ZFYVE28: variants seen among roughly 807,000 people sequenced by gnomAD.
ZFYVE28 encodes zinc finger FYVE-type containing 28, also known as lateral signaling target protein 2 homolog.
In ZFYVE28, 40 loss-of-function variants were observed where a neutral mutation model predicts 82.1. The observed-to-expected ratio is 0.49, with a 90% confidence interval of 0.38 to 0.63. ZFYVE28 has a LOEUF of 0.63. Ranked by LOEUF, ZFYVE28 falls within the 30% of genes least tolerant of loss-of-function variation. The pLI is 0.00. For missense variants in ZFYVE28, 1,321 were observed against 1,242.1 expected (o/e 1.06, Z -0.96); for synonymous variants, 612 against 546.1 (o/e 1.12, Z -1.68).
At position 2,304,952 on chromosome 4, in the gene ZFYVE28, A is replaced by G. The variant is rs1303862062; in HGVS notation, c.1388T>C (p.Leu463Pro). 3 of 1,612,364 alleles carry G rather than the reference A, an allele frequency of 1.9e-6. No individual in the cohort carries two copies. The highest frequency in any genetic ancestry group is 2.2e-5 in the East Asian group (1 of 44,834). ...GGCCCCATCTGTGCCCTCGGCCTCG[A>G]GATTGTTGTTGCTCAAGTCCTCCTC... ...EKEEDLSNNN[L>P]EAEGTDGASL... Residue 463 changes from leucine (L) to proline (P), a missense_variant, in exon 8 of 13, where the codon CTC becomes CCC. Around this residue, in one of 2 missense-constraint regions of ZFYVE28, gnomAD observed 978 missense variants for 833.7 expected, o/e 1.17. Transcript: ENST00000290974.
At chr4:2,333,772 G>A (rs945670906) in intron 6 of ZFYVE28, among the ~76,000 whole-genome samples, 20 of 152,224 alleles carry the variant, frequency 1.3e-4, no homozygotes, top group African/African-American at 3.1e-4. Context: ...AGCGCCCTGC[G>A]CCCTGGTGGA....
At chr4:2,352,530 G>A (rs1320849835) in intron 2 of ZFYVE28, among the ~76,000 whole-genome samples, 1 of 151,692 alleles carries the variant, frequency 6.6e-6, no homozygotes, top group Non-Finnish European at 1.5e-5. Context: ...CGAATCAGAT[G>A]ATGCTGAGGG....
chr4:2,407,273 C>T (rs184321633), intron 1 of ZFYVE28, among the ~76,000 whole-genome samples: 40 of 152,262 alleles, frequency 2.6e-4, no homozygotes, highest in African/African-American at 7.9e-4. Context: ...CCTCCACGAA[C>T]GACAGCTTAG....
chr4:2,282,263 G>C (rs1449836238), intron 8 of ZFYVE28, among the ~76,000 whole-genome samples: 1 of 152,164 alleles, frequency 6.6e-6, no homozygotes, highest in East Asian at 1.9e-4. Flanking sequence ...GCCCCACTTC[G>C]GTTTGAACTA....
intron 1 of ZFYVE28, among the ~76,000 whole-genome samples, chr4:2,387,046 T>C (rs61656536): frequency 0.062 from 8,803 of 142,434 alleles, 749 homozygotes; most frequent in African/African-American, 0.21. Context: ...CTCCGCAGAC[T>C]GCAGGAGACT....
intron 7 of ZFYVE28, among the ~76,000 whole-genome samples, chr4:2,309,790 T>C (rs2108828836): frequency 6.6e-6 from 1 of 152,332 alleles, no homozygotes; most frequent in Admixed American, 6.5e-5. Context: ...AATCTGTTTC[T>C]ATATCTATCT....
At chr4:2,376,912 C>A (rs950206056) in intron 1 of ZFYVE28, among the ~76,000 whole-genome samples, 1 of 151,894 alleles carries the variant, frequency 6.6e-6, no homozygotes, top group East Asian at 1.9e-4. Flanking sequence ...GGCAACAGAG[C>A]GAGACCCTGT....
chr4:2,278,347 C>T (rs373148110), intron 8 of ZFYVE28, among the ~76,000 whole-genome samples: 1 of 151,832 alleles, frequency 6.6e-6, no homozygotes, highest in East Asian at 1.9e-4. Context: ...ACCACACTGC[C>T]CGGCTAATTT....
chr4:2,339,792 C>T lies in ZFYVE28; in HGVS notation c.319-137G>A, dbSNP rs1268237623. 9.3e-6 allele frequency: 7 copies of T among 751,134 alleles called. No individual in the cohort carries two copies. Among genetic ancestry groups the T allele is most frequent in the South Asian group, 9.3e-5 (5 of 53,690 alleles). The allele number at this position is 751,134 out of a possible 1,614,324, so 46.5% of individuals were successfully genotyped here. On this transcript the variant is annotated intron_variant, in intron 3 of 12. Coordinates refer to ENST00000290974, the MANE Select transcript of ZFYVE28 (RefSeq NM_020972.3). This position sits in a 1 kb window ranked among gnomAD's most constrained non-coding sequence, Gnocchi z 5.0. The stretch of plus-strand genomic sequence containing the variant: ...GCACAGGCCAGCTCGTGTTCCCGGT[C>T]CCCGCAGGAGGTTTTTCTTACATTC...
rs578233897 is a variant in ZFYVE28, at chr4:2,276,515, T to C, written c.2052-2299A>G. Among the ~76,000 whole-genome samples the C allele has an allele frequency of 5.9e-5, 9 of 152,266 alleles. No homozygotes were observed. In the East Asian group the frequency reaches 1.7e-3, roughly 29 times the overall value. The stretch of plus-strand genomic sequence containing the variant: ...GAAATTTGGGACTCGGACAGATACT[T>C]GCACGCCCACGTTCATAGCGGCCAA... On this transcript the variant is annotated intron_variant, in intron 8 of 12. Transcript: ENST00000290974.
intron 1 of ZFYVE28, among the ~76,000 whole-genome samples, chr4:2,401,532 T>C (rs1457301272): frequency 6.6e-6 from 1 of 152,182 alleles, no homozygotes; most frequent in Non-Finnish European, 1.5e-5. Flanking sequence ...CGGTGCTACC[T>C]GCCCCACCCC....
At chr4:2,399,847 G>A (rs1730984199) in intron 1 of ZFYVE28, among the ~76,000 whole-genome samples, 1 of 152,200 alleles carries the variant, frequency 6.6e-6, no homozygotes, top group Non-Finnish European at 1.5e-5. Context: ...CAGTCACGTG[G>A]GCCACATGGG....
At chr4:2,323,343 T>A (rs1201140961) in intron 6 of ZFYVE28, among the ~76,000 whole-genome samples, 2 of 152,222 alleles carry the variant, frequency 1.3e-5, no homozygotes, top group Non-Finnish European at 1.5e-5. Context: ...CATGTGTATA[T>A]CTTCTTAGAA....
At chr4:2,403,442 G>A (rs1731416784) in intron 1 of ZFYVE28, among the ~76,000 whole-genome samples, 2 of 152,264 alleles carry the variant, frequency 1.3e-5, no homozygotes, top group Admixed American at 6.5e-5. Context: ...GCCATCCCTG[G>A]ATCGTGGCGG....
intron 1 of ZFYVE28, among the ~76,000 whole-genome samples, chr4:2,387,991 C>T (rs1729449479): frequency 6.6e-6 from 1 of 152,212 alleles, no homozygotes; most frequent in Non-Finnish European, 1.5e-5. Flanking sequence ...TGTCTGGAGT[C>T]GCCACCCTCG....
At chr4:2,348,018 T>G (rs1723834857) in intron 2 of ZFYVE28, among the ~76,000 whole-genome samples, 1 of 152,118 alleles carries the variant, frequency 6.6e-6, no homozygotes, top group East Asian at 1.9e-4. Context: ...AGAAAATCAA[T>G]GAAGCTAAAA....
chr4:2,297,071 G>A (rs928466334), intron 8 of ZFYVE28, among the ~76,000 whole-genome samples: 1 of 152,204 alleles, frequency 6.6e-6, no homozygotes, highest in Non-Finnish European at 1.5e-5. Flanking sequence ...GTCTGCTGGT[G>A]GGAAAGCCGA....
At chr4:2,351,916 T>C (rs1410632569) in intron 2 of ZFYVE28, among the ~76,000 whole-genome samples, 1 of 152,162 alleles carries the variant, frequency 6.6e-6, no homozygotes, top group East Asian at 1.9e-4. Context: ...TGACATGTAA[T>C]AGCAATACCA....
chr4:2,342,852 G>A (rs1723016091), intron 2 of ZFYVE28: 1 of 152,218 alleles, frequency 6.6e-6, no homozygotes, highest in African/African-American at 2.4e-5. Flanking sequence ...TGGGAAAGGA[G>A]AGAAGTGGGG....
Sources: gnomAD v4.1 joint callset for allele counts (sites outside exome capture counted in the v4.1 genomes callset) on GRCh38, gnomAD v4.1.1 for gene constraint, gnomAD v4.1.1 regional missense constraint, Gnocchi (gnomAD v3.1) non-coding constraint, MANE v1.5 for transcripts, NCBI Gene and HGNC (gene_info 2026-07-23, HGNC 2026-07-21) for gene names.